ITGA1: variants seen among roughly 807,000 people sequenced by gnomAD.
ITGA1 encodes integrin subunit alpha 1.
In ITGA1, 85 loss-of-function variants were observed where a neutral mutation model predicts 145.9. That is an observed-to-expected ratio of 0.58 (90% confidence interval 0.49 to 0.70). ITGA1 has a LOEUF of 0.70. ITGA1 is among the 30% of genes least tolerant of loss of function. ITGA1 has a pLI of 0.00. For synonymous variants in ITGA1, 520 were observed against 495.3 expected (o/e 1.05, Z -0.66); for missense variants, 1,351 against 1,418.7 (o/e 0.95, Z 0.77).
At chr5:52,806,710 ATC>A (rs1177010146) in intron 1 of ITGA1, among the ~76,000 whole-genome samples, 3 of 152,142 alleles carry the variant, frequency 2.0e-5, no homozygotes, top group Non-Finnish European at 2.9e-5. Flanking sequence ...AGTATTTAAT[ATC>A]TCTATTTTCA....
intron 6 of ITGA1, among the ~76,000 whole-genome samples, chr5:52,874,980 C>T (rs1260587941): frequency 6.6e-6 from 1 of 151,994 alleles, no homozygotes; most frequent in African/African-American, 2.4e-5. Flanking sequence ...TAAAATATAC[C>T]AGGTCTTCCA....
In ITGA1 at chr5:52,814,737, A is replaced by AG. The variant is rs1561216363; in HGVS notation, c.61+26323_61+26324insG. Reference sequence around the variant, plus strand: ...CACCTTCTGAGAGGTATTAAAAAAAAAGGGGGGGAAAGAAAAAGAATCAGT... The same window carrying AG: ...CACCTTCTGAGAGGTATTAAAAAAAAGAGGGGGGGAAAGAAAAAGAATCAGT... On this transcript the variant is annotated intron_variant, in intron 1 of 28. Coordinates refer to ENST00000282588, the MANE Select transcript of ITGA1 (RefSeq NM_181501.2). 2.1e-4 allele frequency among the ~76,000 whole-genome samples: 32 copies of AG among 152,250 alleles called. No homozygotes were observed. The East Asian group carries it at 5.6e-3, about 27-fold the overall frequency.
chr5:52,901,413 A>G (rs1252317168), intron 11 of ITGA1, among the ~76,000 whole-genome samples: 1 of 152,254 alleles, frequency 6.6e-6, no homozygotes, highest in East Asian at 1.9e-4. Flanking sequence ...AACTTGTGGT[A>G]ATTTGTTACA....
At chr5:52,866,989 A>G (rs1315549712) in intron 6 of ITGA1, 1 of 151,174 alleles carries the variant, frequency 6.6e-6, no homozygotes, top group Non-Finnish European at 1.5e-5. Flanking sequence ...TTAAGATTAT[A>G]GTACTGCAAT....
chr5:52,888,559 A>C (rs1353571787), intron 8 of ITGA1, among the ~76,000 whole-genome samples: 1 of 152,234 alleles, frequency 6.6e-6, no homozygotes, highest in Non-Finnish European at 1.5e-5. Context: ...GTAGACAGGA[A>C]TTGAATTTTT....
chr5:52,887,712 G>A, intron 7 of ITGA1, 103 bp from the exon 8 acceptor site: 1 of 1,091,436 alleles, frequency 9.2e-7, no homozygotes, highest in Admixed American at 2.6e-5. Flanking sequence ...TTGGAGGGAA[G>A]CACCAGGCTA....
chr5:52,893,574 C>A, intron 8 of ITGA1, 101 bp from the exon 9 acceptor site: 1 of 1,015,774 alleles, frequency 9.8e-7, no homozygotes, highest in Non-Finnish European at 1.4e-6. Flanking sequence ...TTCCATTATG[C>A]TAAGGTACTC....
chr5:52,878,581 G>A (rs1749904985), intron 6 of ITGA1, among the ~76,000 whole-genome samples: 1 of 152,192 alleles, frequency 6.6e-6, no homozygotes, highest in African/African-American at 2.4e-5. Context: ...CCTCTCATGT[G>A]AGCTCATCCC....
intron 11 of ITGA1, chr5:52,903,714 G>T (rs1357588824): frequency 2.0e-5 from 3 of 152,214 alleles, no homozygotes; most frequent in African/African-American, 7.2e-5. Flanking sequence ...TCTTACTTCT[G>T]CTCCACTGAA....
chr5:52,937,407 A>C lies in ITGA1; in HGVS notation c.2971A>C (p.Lys991Gln), dbSNP rs138070517. 7 of 1,605,202 alleles carry C rather than the reference A, an allele frequency of 4.4e-6. No homozygotes were observed. The African/African-American group carries it at 9.4e-5, about 21-fold the overall frequency. Residue 991 changes from lysine (K) to glutamine (Q), a missense_variant, in exon 24 of 29, where the codon AAA becomes CAA. Physicochemically the swap from Lys to Gln is moderately conservative, Grantham distance 53. Transcript: ENST00000282588. ...TTCCATTTTTTTCTTGTAGATTAGA[A>C]AAAGTGGATCTTTTCCAATGCCAGA... ...NEINIFYLIR[K>Q]SGSFPMPELK... is the part of the protein sequence containing the mutation.
Position 52,887,864 on chromosome 5 carries a change from G to T in ITGA1, c.823G>T (p.Val275Phe). The change falls in exon 8 of 29, where the codon GTC becomes TTC. Residue 275 changes from valine to phenylalanine, a missense_variant. Val to Phe is a conservative substitution (Grantham distance 50). Transcript: ENST00000282588. ...ARGARRGVKK[V>F]MVIVTDGESH... The stretch of plus-strand genomic sequence containing the variant: ...GGGTGCCCGAAGAGGAGTTAAAAAA[G>T]TCATGGTTATTGTGACAGATGGAGA... 3.1e-6 allele frequency: 5 copies of T among 1,614,018 alleles called. No homozygotes were observed. The highest frequency in any genetic ancestry group is 4.2e-6 in the Non-Finnish European group (5 of 1,179,880).
chr5:52,828,238 A>G (rs1370205315), intron 1 of ITGA1, among the ~76,000 whole-genome samples: 4 of 152,224 alleles, frequency 2.6e-5, no homozygotes, highest in Non-Finnish European at 5.9e-5. Context: ...ACTGTTTTCC[A>G]TAGCAACATT....
chr5:52,910,430 A>T lies in ITGA1; in HGVS notation c.1857+11A>T, dbSNP rs1750487030. 1 of 1,606,508 alleles carries T rather than the reference A, an allele frequency of 6.2e-7. No homozygotes were observed. On this transcript the variant is annotated intron_variant, in intron 14 of 28. Transcript: ENST00000282588. ...AAAGAGTATGCACAAGTAAGAATTG[A>T]AACCTACAGATTCCCACCCTTCAGT... is the stretch of plus-strand genomic sequence containing the variant.
At chr5:52,841,335 G>A (rs1749251206) in intron 1 of ITGA1, among the ~76,000 whole-genome samples, 1 of 152,090 alleles carries the variant, frequency 6.6e-6, no homozygotes, top group Admixed American at 6.6e-5. Context: ...AAATGGTTGT[G>A]TTGCTTCTGT....
chr5:52,860,316 G>A (rs1205734133), intron 2 of ITGA1, among the ~76,000 whole-genome samples: 1 of 152,222 alleles, frequency 6.6e-6, no homozygotes, highest in Non-Finnish European at 1.5e-5. Flanking sequence ...GGGAGGCCAA[G>A]GTGGGCGGAT....
intron 14 of ITGA1, among the ~76,000 whole-genome samples, chr5:52,911,427 A>G (rs1397547060): frequency 7.5e-6 from 1 of 133,932 alleles, no homozygotes; most frequent in Non-Finnish European, 1.6e-5. Flanking sequence ...CACTATATAG[A>G]TACTATATAT....
intron 1 of ITGA1, among the ~76,000 whole-genome samples, chr5:52,795,868 C>A (rs1430132924): frequency 1.3e-5 from 2 of 151,816 alleles, no homozygotes; most frequent in East Asian, 3.9e-4. Flanking sequence ...AGCTTTATTG[C>A]GGTCTGGGAC....
chr5:52,919,725 T>C (rs746123685), intron 16 of ITGA1, among the ~76,000 whole-genome samples: 1 of 152,218 alleles, frequency 6.6e-6, no homozygotes, highest in Non-Finnish European at 1.5e-5. Context: ...TATTTCAGTC[T>C]TATTTAATTT....
At chr5:52,934,985 T>C (rs1750945287) in intron 23 of ITGA1, among the ~76,000 whole-genome samples, 1 of 151,896 alleles carries the variant, frequency 6.6e-6, no homozygotes, top group African/African-American at 2.4e-5. Context: ...GCTATCAGAT[T>C]TCTCCAGCCC....
Sources: allele counts gnomAD v4.1 joint callset (sites outside exome capture counted in the v4.1 genomes callset), GRCh38; gene constraint gnomAD v4.1.1; transcripts MANE v1.5; gene names NCBI Gene and HGNC (gene_info 2026-07-23, HGNC 2026-07-21).